Variants in GPHN observed in about 807,000 individuals in gnomAD.
The protein encoded by GPHN is gephyrin.
GPHN carries 17 observed loss-of-function variants against 95.5 expected under a neutral mutation model. The observed-to-expected ratio is 0.18, with a 90% confidence interval of 0.12 to 0.27. The LOEUF (loss-of-function observed/expected upper bound fraction) is 0.27, where lower values mean the gene tolerates loss of function less well. Ranked by LOEUF, GPHN falls within the 10% of genes least tolerant of loss-of-function variation. The pLI, the probability that GPHN is intolerant of heterozygous loss-of-function variation, is 1.00. For missense variants in GPHN, 660 were observed against 978.1 expected (o/e 0.67, Z 4.34); for synonymous variants, 320 against 322.5 (o/e 0.99, Z 0.08).
At chr14:66,987,764 C>T (rs1032510701) in intron 9 of GPHN, among the ~76,000 whole-genome samples, 15 of 151,972 alleles carry the variant, frequency 9.9e-5, no homozygotes, top group African/African-American at 2.9e-4. Context: ...TTCCTAGTCA[C>T]GGGTTTGTTG....
chr14:67,181,481 G>T lies in GPHN; in HGVS notation c.*544G>T. 1 of 518,882 alleles carries T rather than the reference G, an allele frequency of 1.9e-6. No homozygotes were observed. Among genetic ancestry groups the T allele is most frequent in the Non-Finnish European group, 3.8e-6 (1 of 265,588 alleles). The allele number at this position is 518,882 out of a possible 1,614,324, so 32.1% of individuals were successfully genotyped here. Reference sequence around the variant, plus strand: ...TGCCTCAAGAACCATCCCCTGCAGAGCATCCAGGGAGGTTTCTCGCCCCAA... The same window carrying T: ...TGCCTCAAGAACCATCCCCTGCAGATCATCCAGGGAGGTTTCTCGCCCCAA... On this transcript the variant is annotated 3_prime_UTR_variant, in exon 23 of 23. Coordinates refer to ENST00000478722, the MANE Select transcript of GPHN (RefSeq NM_020806.5).
At chr14:66,735,426 T>G (rs1233124308) in intron 2 of GPHN, among the ~76,000 whole-genome samples, 1 of 152,210 alleles carries the variant, frequency 6.6e-6, no homozygotes, top group Non-Finnish European at 1.5e-5. Flanking sequence ...GTTTAGGATA[T>G]GTACAGGGCC....
the GPHN span, among the ~76,000 whole-genome samples, chr14:67,606,168 G>A: frequency 6.6e-6 from 1 of 152,066 alleles, no homozygotes; most frequent in Non-Finnish European, 1.5e-5. Context: ...TTCAAGTAAG[G>A]AAGAATGACA....
chr14:67,443,026 T>C, the GPHN span, among the ~76,000 whole-genome samples: 18 of 151,940 alleles, frequency 1.2e-4, 1 homozygote, highest in Admixed American at 9.2e-4. Context: ...TCAAGACCAG[T>C]CTGGGCAACA....
At chr14:67,576,986 A>C in the GPHN span, among the ~76,000 whole-genome samples, 2 of 152,096 alleles carry the variant, frequency 1.3e-5, no homozygotes, top group African/African-American at 4.8e-5. This position sits in a 1 kb window ranked among gnomAD's most constrained non-coding sequence, Gnocchi z 4.0. Flanking sequence ...TGACCAATTC[A>C]TATGCCCCTC....
chr14:67,726,204 CT>C, the GPHN span: 1 of 1,083,856 alleles, frequency 9.2e-7, no homozygotes, highest in Non-Finnish European at 1.4e-6. Flanking sequence ...ACTATCTTTT[CT>C]TTAGGAAGAT....
At chr14:67,560,247 G>A in the GPHN span, among the ~76,000 whole-genome samples, 4 of 152,110 alleles carry the variant, frequency 2.6e-5, no homozygotes, top group South Asian at 2.1e-4. Context: ...GGCTGGTCTC[G>A]AACTCCTGAC....
At chr14:67,048,397 G>C (rs934780734) in intron 10 of GPHN, among the ~76,000 whole-genome samples, 12 of 152,194 alleles carry the variant, frequency 7.9e-5, no homozygotes, top group African/African-American at 2.9e-4. Context: ...AAATGTAAGA[G>C]ACAAGTTAAG....
At chr14:67,556,071 G>C in the GPHN span, among the ~76,000 whole-genome samples, 1 of 152,196 alleles carries the variant, frequency 6.6e-6, no homozygotes, top group African/African-American at 2.4e-5. Flanking sequence ...TGTAGCAAGT[G>C]GGCATAGTAG....
At chr14:67,409,927 C>A in the GPHN span, among the ~76,000 whole-genome samples, 1 of 152,176 alleles carries the variant, frequency 6.6e-6, no homozygotes, top group African/African-American at 2.4e-5. Context: ...GGGACCACAA[C>A]AGGGTTCTGG....
At chr14:66,804,094 A>G (rs1322447914) in intron 3 of GPHN, among the ~76,000 whole-genome samples, 1 of 152,140 alleles carries the variant, frequency 6.6e-6, no homozygotes, top group East Asian at 1.9e-4. Flanking sequence ...TATATGTAAA[A>G]GACTCATATT....
the GPHN span, among the ~76,000 whole-genome samples, chr14:67,210,934 A>C: frequency 2.0e-5 from 3 of 152,110 alleles, no homozygotes; most frequent in Non-Finnish European, 4.4e-5. Flanking sequence ...TGGGAGGTGG[A>C]GGTTGCAGTG....
the GPHN span, among the ~76,000 whole-genome samples, chr14:67,245,536 G>C: frequency 6.6e-6 from 1 of 151,602 alleles, no homozygotes; most frequent in Non-Finnish European, 1.5e-5. Context: ...TTTTCTTTAG[G>C]GATGGGGTCT....
chr14:66,561,873 G>C (rs148847773), intron 1 of GPHN, among the ~76,000 whole-genome samples: 3 of 152,038 alleles, frequency 2.0e-5, no homozygotes, highest in African/African-American at 4.8e-5. Context: ...CTGGGGGCTC[G>C]CAGGGAGAAT....
chr14:67,504,777 C>T, the GPHN span, among the ~76,000 whole-genome samples: 30 of 151,968 alleles, frequency 2.0e-4, no homozygotes, highest in African/African-American at 5.8e-4. Flanking sequence ...CCCAGCTACT[C>T]GGGAGTCTGA....
At chr14:67,445,577 C>CTTTTTTTTTTTTTTTTTTTTTTT in the GPHN span, among the ~76,000 whole-genome samples, 22 of 59,934 alleles carry the variant, frequency 3.7e-4, 2 homozygotes, top group African/African-American at 1.1e-3. Flanking sequence ...AGAGGCAATT[C>CTTTTTTTTTTTTTTTTTTTTTTT]TTTTTTTTTT....
rs557900561 is a variant in GPHN at position 66,793,969 on chromosome 14, A to T, written c.201+17448A>T. On this transcript the variant is annotated intron_variant, in intron 3 of 22. Coordinates refer to ENST00000478722, the MANE Select transcript of GPHN (RefSeq NM_020806.5). ...AAATGTGAATGGATTTAACAATTCAATCATAAGGCATACATTGTCAGACTG... is the reference window on the plus strand; with the variant it reads ...AAATGTGAATGGATTTAACAATTCATTCATAAGGCATACATTGTCAGACTG... 1.1e-3 allele frequency among the ~76,000 whole-genome samples: 173 copies of T among 152,360 alleles called. 3 individuals are homozygous for T. In the South Asian group the frequency reaches 0.035, roughly 31 times the overall value.
chr14:67,308,121 T>A, the GPHN span, among the ~76,000 whole-genome samples: 1 of 151,838 alleles, frequency 6.6e-6, no homozygotes, highest in Non-Finnish European at 1.5e-5. Context: ...GAAAAGTAAC[T>A]AATGGGTACT....
chr14:66,732,098 G>A (rs2071820794), intron 2 of GPHN, among the ~76,000 whole-genome samples: 1 of 152,192 alleles, frequency 6.6e-6, no homozygotes, highest in African/African-American at 2.4e-5. Flanking sequence ...TAGGGGCAGA[G>A]CCCTCACAGA....
Sources: allele counts gnomAD v4.1 joint callset (sites outside exome capture counted in the v4.1 genomes callset), GRCh38; gene constraint gnomAD v4.1.1; non-coding constraint Gnocchi (gnomAD v3.1); transcripts MANE v1.5; gene names NCBI Gene and HGNC (gene_info 2026-07-23, HGNC 2026-07-21).